PHACTR4: variants seen among roughly 807,000 people sequenced by gnomAD.
PHACTR4 encodes phosphatase and actin regulator 4.
A neutral mutation model predicts 72.7 loss-of-function variants in PHACTR4; 51 were observed. The observed-to-expected ratio is 0.70, with a 90% CI of 0.56 to 0.89. The LOEUF is 0.89. PHACTR4 is among the 40% of genes least tolerant of loss of function. The pLI, the probability that PHACTR4 is intolerant of heterozygous loss-of-function variation, is 0.00. For missense variants in PHACTR4, 731 were observed against 861.8 expected, an observed-to-expected ratio of 0.85 and a Z score of 1.90; for synonymous variants, 255 against 302.5, an observed-to-expected ratio of 0.84 and a Z score of 1.63.
At chr1:28,446,396 G>A (rs1641433740) in intron 2 of PHACTR4, among the ~76,000 whole-genome samples, 1 of 152,168 alleles carries the variant, frequency 6.6e-6, no homozygotes, top group South Asian at 2.1e-4. Context: ...CTGGTGGGAG[G>A]TGATTGGGGT....
chr1:28,389,260 A>G (rs1191208249), intron 1 of PHACTR4, among the ~76,000 whole-genome samples: 4 of 152,148 alleles, frequency 2.6e-5, no homozygotes, highest in Non-Finnish European at 5.9e-5. Flanking sequence ...GTTCAGTATC[A>G]CTAATCCTCT....
chr1:28,387,138 A>G (rs191854191), intron 1 of PHACTR4, among the ~76,000 whole-genome samples: 3 of 151,762 alleles, frequency 2.0e-5, no homozygotes, highest in East Asian at 1.9e-4. Flanking sequence ...GCACGCACCT[A>G]TAGTCCCAGC....
At chr1:28,471,647 T>C (rs1417586738) in intron 6 of PHACTR4, among the ~76,000 whole-genome samples, 2 of 152,140 alleles carry the variant, frequency 1.3e-5, no homozygotes, top group African/African-American at 4.8e-5. Flanking sequence ...AAAGGGACTT[T>C]GCTGAAACAA....
intron 2 of PHACTR4, among the ~76,000 whole-genome samples, chr1:28,442,243 A>G (rs1254561071): frequency 2.6e-5 from 4 of 151,930 alleles, no homozygotes; most frequent in Non-Finnish European, 4.4e-5. Flanking sequence ...AAGGCGGGTG[A>G]ATCACGAGGT....
At chr1:28,483,337 G>A (rs902799130) in intron 9 of PHACTR4, among the ~76,000 whole-genome samples, 1 of 151,690 alleles carries the variant, frequency 6.6e-6, no homozygotes, top group Non-Finnish European at 1.5e-5. Flanking sequence ...GCTCAAGGTC[G>A]GCCCAGGAGG....
chr1:28,394,458 A>T (rs1199516412), intron 1 of PHACTR4, among the ~76,000 whole-genome samples: 1 of 152,086 alleles, frequency 6.6e-6, no homozygotes, highest in Non-Finnish European at 1.5e-5. Flanking sequence ...GCTAATTTTT[A>T]AAAAATTGTT....
At chr1:28,440,806 A>G (rs992671598) in intron 2 of PHACTR4, among the ~76,000 whole-genome samples, 1 of 152,194 alleles carries the variant, frequency 6.6e-6, no homozygotes, top group Non-Finnish European at 1.5e-5. Flanking sequence ...ACCAATTCCA[A>G]TAAAGGTTTT....
At chr1:28,394,096 G>A (rs1653281955) in intron 1 of PHACTR4, among the ~76,000 whole-genome samples, 1 of 152,100 alleles carries the variant, frequency 6.6e-6, no homozygotes, top group Non-Finnish European at 1.5e-5. Context: ...GTTATCATAG[G>A]AGATGACAGC....
At chr1:28,407,299 T>C in intron 1 of PHACTR4, 111 bp from the exon 2 acceptor site, 1 of 505,860 alleles carries the variant, frequency 2.0e-6, no homozygotes. Flanking sequence ...TCTATAATGT[T>C]CCACTTTTAA....
chr1:28,455,621 C>T (rs1034191999), intron 2 of PHACTR4, among the ~76,000 whole-genome samples: 1 of 152,110 alleles, frequency 6.6e-6, no homozygotes, highest in African/African-American at 2.4e-5. Context: ...CCTGACTGAC[C>T]TTAGGACCCT....
intron 2 of PHACTR4, among the ~76,000 whole-genome samples, chr1:28,416,446 A>G (rs1655112543): frequency 1.3e-5 from 2 of 152,222 alleles, no homozygotes; most frequent in Non-Finnish European, 2.9e-5. Flanking sequence ...AGGAAAACAG[A>G]GTACACAGGC....
At chr1:28,482,522 C>T (rs192197841) in intron 9 of PHACTR4, among the ~76,000 whole-genome samples, 3 of 152,292 alleles carry the variant, frequency 2.0e-5, no homozygotes, top group Admixed American at 2.0e-4. Context: ...TTTTGTTTGA[C>T]ACAGATGTTT....
intron 9 of PHACTR4, among the ~76,000 whole-genome samples, chr1:28,487,727 G>GTTGTTTTTTTTTTTT (rs1660774578): frequency 3.2e-5 from 2 of 63,304 alleles, no homozygotes; most frequent in African/African-American, 5.6e-5. Context: ...GTTTTTTGTT[G>GTTGTTTTTTTTTTTT]TTTTTTTTTT....
intron 9 of PHACTR4, among the ~76,000 whole-genome samples, chr1:28,482,877 C>T (rs1032294934): frequency 6.7e-6 from 1 of 150,220 alleles, no homozygotes; most frequent in Non-Finnish European, 1.5e-5. Flanking sequence ...AGATCAAGGC[C>T]GCAGTATGCT....
At position 28,472,779 on chromosome 1, in the gene PHACTR4, A is replaced by AT. The variant is rs771078982; in HGVS notation, c.824-757dup. ...CCACCACACCTAGCTAATTTTTGTA[A>AT]TTTTTTTTTTTTTTTTTTAGTAGAG... On this transcript the variant is annotated intron_variant, in intron 6 of 13. Coordinates refer to ENST00000373839, the MANE Select transcript of PHACTR4 (RefSeq NM_001048183.3). 7.9e-3 allele frequency among the ~76,000 whole-genome samples: 1,003 copies of AT among 127,578 alleles called. 7 individuals carry two copies. The highest frequency in any genetic ancestry group is 0.021 in the African/African-American group (723 of 34,546). 83.7% of individuals were successfully genotyped at this position (127,578 alleles called of 152,430 possible).
intron 6 of PHACTR4, chr1:28,467,045 C>T: frequency 3.5e-6 from 1 of 288,372 alleles, no homozygotes; most frequent in Non-Finnish European, 6.5e-6. Context: ...AACCCCATCT[C>T]TACTAAAAAT....
rs780028378 is a variant in PHACTR4 at position 28,487,727 on chromosome 1, G to GTTT, written c.1761-1419_1761-1417dup. Among the ~76,000 whole-genome samples, 77 of 63,300 alleles carry GTTT rather than the reference G, an allele frequency of 1.2e-3. 5 individuals carry two copies. The highest frequency in any genetic ancestry group is 2.4e-3 in the African/African-American group (43 of 17,968). The allele number at this position is 63,300 out of a possible 152,430, so 41.5% of individuals were successfully genotyped here. A position where few individuals can be genotyped will look rare whatever the true frequency, so the allele number is the denominator to read the frequency against. On this transcript the variant is annotated intron_variant, in intron 9 of 13. Transcript: ENST00000373839. ...AAATGACAAATTGTAGTTTTTTGTT[G>GTTT]TTTTTTTTTTTTTTTTTTTTTTTTT...
At chr1:28,401,348 C>T (rs1332323781) in intron 1 of PHACTR4, among the ~76,000 whole-genome samples, 3 of 148,314 alleles carry the variant, frequency 2.0e-5, no homozygotes, top group Non-Finnish European at 4.5e-5. Context: ...GCTCTGTCAC[C>T]CAGGCTGGAG....
At chr1:28,385,584 A>G (rs1265615484) in intron 1 of PHACTR4, among the ~76,000 whole-genome samples, 3 of 149,528 alleles carry the variant, frequency 2.0e-5, no homozygotes, top group Admixed American at 2.0e-4. Flanking sequence ...AGGTCATTCA[A>G]TTTCCATGTA....
Sources: gnomAD v4.1 joint callset for allele counts (sites outside exome capture counted in the v4.1 genomes callset) on GRCh38, gnomAD v4.1.1 for gene constraint, MANE v1.5 for transcripts, NCBI Gene and HGNC (gene_info 2026-07-23, HGNC 2026-07-21) for gene names.